FRMPD4: variants seen among roughly 807,000 people sequenced by gnomAD.
FRMPD4 encodes FERM and PDZ domain containing 4, also known as FERM and PDZ domain-containing protein 4.
A neutral mutation model predicts 94.1 loss-of-function variants in FRMPD4; 22 were observed. The observed-to-expected ratio is 0.23, with a 90% CI of 0.17 to 0.33. The LOEUF is 0.33. FRMPD4 is among the 10% of genes least tolerant of loss of function. The pLI is 1.00. For missense variants in FRMPD4, 1,111 were observed against 1,339.9 expected (o/e 0.83, Z 2.67); for synonymous variants, 631 against 548.6 (o/e 1.15, Z -2.10).
intron 1 of FRMPD4, among the ~76,000 whole-genome samples, chrX:12,392,148 C>T (rs969449070): frequency 9.2e-6 from 1 of 109,006 alleles, no homozygotes; most frequent in Non-Finnish European, 1.9e-5. Flanking sequence ...TCAAGCAATT[C>T]TCCTGCCTCA....
At chrX:12,483,860 A>T (rs2057713527) in intron 1 of FRMPD4, among the ~76,000 whole-genome samples, 1 of 112,134 alleles carries the variant, frequency 8.9e-6, no homozygotes, top group Non-Finnish European at 1.9e-5. Context: ...TAAAAATTTT[A>T]GATTTTTTTT....
Position 12,556,041 on chromosome X carries a change from C to T in FRMPD4, c.159-53680C>T, listed in dbSNP as rs754309511. ...AAGCAGTCCTCTTGCCTCAGCCTCC[C>T]GAGAAGATGGAACTACAGGCACTGT... On this transcript the variant is annotated intron_variant, in intron 2 of 16. Transcript: ENST00000675598. Among the ~76,000 whole-genome samples the T allele has an allele frequency of 1.7e-3, 184 of 110,687 alleles. 1 individual carries two copies. Among genetic ancestry groups the T allele is most frequent in the Non-Finnish European group, 3.0e-3 (156 of 52,864 alleles).
intron 1 of FRMPD4, among the ~76,000 whole-genome samples, chrX:12,257,315 T>C (rs980313414): frequency 1.8e-5 from 2 of 110,821 alleles, no homozygotes; most frequent in African/African-American, 6.7e-5. Context: ...GGGTTTTTTT[T>C]CCCTTTTCTA....
chrX:11,998,564 C>T (rs1048296395), intron 3 of FRMPD4, among the ~76,000 whole-genome samples: 4 of 111,255 alleles, frequency 3.6e-5, no homozygotes, highest in Non-Finnish European at 5.7e-5. Flanking sequence ...TGGCTACCAT[C>T]GCATTAAACT....
chrX:11,868,753 A>G (rs1041104139), intron 2 of FRMPD4, among the ~76,000 whole-genome samples: 1 of 112,415 alleles, frequency 8.9e-6, no homozygotes, highest in Admixed American at 9.4e-5. Context: ...TCATCTATGC[A>G]GTTTGCATCA....
chrX:12,253,850 A>G (rs186825284), intron 1 of FRMPD4, among the ~76,000 whole-genome samples: 1 of 111,724 alleles, frequency 9.0e-6, no homozygotes, highest in African/African-American at 3.2e-5. Context: ...GAGGAGCAGT[A>G]AAGAGTGTAC....
At chrX:12,325,472 A>G (rs2055272617) in intron 1 of FRMPD4, among the ~76,000 whole-genome samples, 1 of 112,616 alleles carries the variant, frequency 8.9e-6, no homozygotes, top group African/African-American at 3.2e-5. Flanking sequence ...ACTGCACTGA[A>G]ATGGGGCACT....
chrX:11,975,702 G>T (rs2054363647), intron 3 of FRMPD4, among the ~76,000 whole-genome samples: 1 of 110,892 alleles, frequency 9.0e-6, no homozygotes, highest in Non-Finnish European at 1.9e-5. Flanking sequence ...ATGATAGAGG[G>T]GAAAATTGAA....
intron 1 of FRMPD4, among the ~76,000 whole-genome samples, chrX:12,444,628 TTGGCTC>T (rs887126808): frequency 8.9e-6 from 1 of 111,855 alleles, no homozygotes; most frequent in Non-Finnish European, 1.9e-5. Flanking sequence ...GAGAAATATA[TTGGCTC>T]ACAGTTCTGG....
At chrX:12,204,175 G>A (rs1363596940) in intron 1 of FRMPD4, among the ~76,000 whole-genome samples, 1 of 112,325 alleles carries the variant, frequency 8.9e-6, no homozygotes, top group African/African-American at 3.2e-5. Flanking sequence ...GAGGTTGGGG[G>A]AGTACTACTG....
intron 2 of FRMPD4, among the ~76,000 whole-genome samples, chrX:12,608,603 C>G (rs10047011): frequency 0.13 from 14,399 of 112,055 alleles, 2,289 homozygotes; most frequent in African/African-American, 0.45. Context: ...AATTTTACTG[C>G]GGCCAGAAGC....
intron 1 of FRMPD4, among the ~76,000 whole-genome samples, chrX:12,356,530 G>A (rs150411155): frequency 0.012 from 1,286 of 111,008 alleles, 8 homozygotes; most frequent in Non-Finnish European, 0.016. Context: ...CCCTTGTGAT[G>A]GGATTAGAGC....
intron 1 of FRMPD4, among the ~76,000 whole-genome samples, chrX:12,277,108 G>A (rs1211520300): frequency 4.5e-5 from 4 of 88,846 alleles, no homozygotes; most frequent in South Asian, 6.0e-4. Context: ...GCGACAGAGC[G>A]AGACTCCGTC....
At chrX:12,673,443 C>A (rs1569402356) in intron 4 of FRMPD4, among the ~76,000 whole-genome samples, 2 of 111,704 alleles carry the variant, frequency 1.8e-5, no homozygotes, top group African/African-American at 6.5e-5. Flanking sequence ...TCCTCATCCA[C>A]CTCCCCTTAA....
chrX:12,006,935 C>T (rs2054557149), intron 3 of FRMPD4, among the ~76,000 whole-genome samples: 1 of 111,736 alleles, frequency 8.9e-6, no homozygotes, highest in South Asian at 3.8e-4. Context: ...TCAGTCTTCT[C>T]CTCTTCTACT....
intron 3 of FRMPD4, among the ~76,000 whole-genome samples, chrX:11,930,107 CAAAAAAA>C (rs55973946): frequency 2.6e-3 from 35 of 13,255 alleles, no homozygotes; most frequent in Admixed American, 8.2e-3. Flanking sequence ...GACTCTGTCT[CAAAAAAA>C]AAAAAAAAAA....
chrX:12,243,846 G>A (rs868447943), intron 1 of FRMPD4, among the ~76,000 whole-genome samples: 14 of 76,546 alleles, frequency 1.8e-4, no homozygotes, highest in South Asian at 9.0e-4. Context: ...CAGTTCTGTC[G>A]CCCAGGCTGG....
intron 1 of FRMPD4, among the ~76,000 whole-genome samples, chrX:12,420,818 C>G (rs1251996640): frequency 8.9e-6 from 1 of 112,615 alleles, no homozygotes; most frequent in Non-Finnish European, 1.9e-5. Flanking sequence ...AGCCTTGTCT[C>G]TCTTACATGT....
chrX:12,073,403 A>G (rs1161575038), intron 3 of FRMPD4, among the ~76,000 whole-genome samples: 2 of 112,002 alleles, frequency 1.8e-5, no homozygotes, highest in Admixed American at 9.5e-5. Flanking sequence ...TGTCCATGAA[A>G]CTAGTTGCTG....
Sources: gnomAD v4.1 joint callset for allele counts (sites outside exome capture counted in the v4.1 genomes callset) on GRCh38, gnomAD v4.1.1 for gene constraint, MANE v1.5 for transcripts, NCBI Gene and HGNC (gene_info 2026-07-23, HGNC 2026-07-21) for gene names.